Variants in RALA observed in about 807,000 individuals in gnomAD.
The protein encoded by RALA is RAS like proto-oncogene A.
In RALA, 5 loss-of-function variants were observed where a neutral mutation model predicts 24.0. The observed-to-expected ratio is 0.21, with a 90% CI of 0.11 to 0.44. RALA has a LOEUF of 0.44. Among genes scored for constraint, RALA ranks in the 20% least tolerant of loss-of-function variants. The probability of loss-of-function intolerance (pLI) is 0.99; values close to 1 mark genes in which losing one functional copy is unlikely to be tolerated. For missense variants in RALA, 95 were observed against 241.2 expected, an observed-to-expected ratio of 0.39 and a Z score of 4.01; for synonymous variants, 77 against 83.8, an observed-to-expected ratio of 0.92 and a Z score of 0.44.
intron 3 of RALA, among the ~76,000 whole-genome samples, chr7:39,693,619 G>A: frequency 6.6e-6 from 1 of 152,178 alleles, no homozygotes; most frequent in East Asian, 1.9e-4. Context: ...AAGGAAACTG[G>A]TTAAGAAAGT....
At chr7:39,697,309 A>G (rs946878353) in intron 4 of RALA, 3 of 452,848 alleles carry the variant, frequency 6.6e-6, no homozygotes, top group African/African-American at 6.0e-5. Flanking sequence ...CTCTCCTGCC[A>G]CTCTCCACTC....
chr7:39,687,370 T>G (rs1424640200), intron 2 of RALA, among the ~76,000 whole-genome samples: 1 of 150,224 alleles, frequency 6.7e-6, no homozygotes, highest in African/African-American at 2.5e-5. Context: ...GAGCTTGCAG[T>G]GAGCCGAGAT....
chr7:39,704,786 G>A (rs1793088406), intron 4 of RALA, among the ~76,000 whole-genome samples: 1 of 151,146 alleles, frequency 6.6e-6, no homozygotes. Flanking sequence ...AGCAATTCTT[G>A]TGCCTCAGCC....
At chr7:39,640,574 C>T (rs1056020810) in intron 1 of RALA, among the ~76,000 whole-genome samples, 1 of 152,160 alleles carries the variant, frequency 6.6e-6, no homozygotes, top group Non-Finnish European at 1.5e-5. Context: ...GATATTTTCT[C>T]TCAGAGAGTG....
chr7:39,683,522 C>T (rs577952459), intron 1 of RALA, among the ~76,000 whole-genome samples: 3 of 152,218 alleles, frequency 2.0e-5, no homozygotes, highest in African/African-American at 7.2e-5. Context: ...GTCTTAAGTT[C>T]CACATAGGCA....
intron 1 of RALA, among the ~76,000 whole-genome samples, chr7:39,665,787 A>AT (rs774768495): frequency 2.6e-5 from 4 of 152,010 alleles, no homozygotes; most frequent in African/African-American, 4.8e-5. Context: ...GTGTAAGGTC[A>AT]TTCTTACTAG....
intron 4 of RALA, among the ~76,000 whole-genome samples, chr7:39,699,737 T>C (rs1792989964): frequency 6.6e-6 from 1 of 152,242 alleles, no homozygotes; most frequent in African/African-American, 2.4e-5. Flanking sequence ...TATGTACACA[T>C]CATAAGGATA....
chr7:39,625,309 T>G (rs1237441004), intron 1 of RALA, among the ~76,000 whole-genome samples: 1 of 152,218 alleles, frequency 6.6e-6, no homozygotes, highest in Non-Finnish European at 1.5e-5. Flanking sequence ...TATATTAAAA[T>G]TGTGCTGGGC....
At chr7:39,638,670 C>T (rs1791727366) in intron 1 of RALA, among the ~76,000 whole-genome samples, 1 of 152,186 alleles carries the variant, frequency 6.6e-6, no homozygotes, top group South Asian at 2.1e-4. Context: ...TGGTCTGAAA[C>T]TCCTGGGCTC....
At chr7:39,650,487 G>A (rs183342160) in intron 1 of RALA, among the ~76,000 whole-genome samples, 3 of 152,174 alleles carry the variant, frequency 2.0e-5, no homozygotes, top group Admixed American at 2.0e-4. Context: ...GGAAGAAATA[G>A]GTATCAAATC....
rs896978426 is a variant in RALA, at chr7:39,706,453, T to C, written c.*208T>C. 25 of 495,342 alleles carry C rather than the reference T, an allele frequency of 5.0e-5. No homozygotes were observed. The highest frequency in any genetic ancestry group is 7.1e-5 in the Non-Finnish European group (20 of 281,590). The allele number at this position is 495,342 out of a possible 1,614,324, so 30.7% of individuals were successfully genotyped here. On this transcript the variant is annotated 3_prime_UTR_variant, in exon 5 of 5. Transcript: ENST00000005257. ...TCACCAAGAAGCAAAGTTCAACTTA[T>C]TTCATAATTGCCTACATTTATCATG...
chr7:39,690,737 CT>C, intron 3 of RALA, 147 bp downstream of exon 3: 1 of 638,554 alleles, frequency 1.6e-6, no homozygotes, highest in South Asian at 2.1e-5. Flanking sequence ...CAGTATATGA[CT>C]CTCTCTACTG....
chr7:39,699,553 G>A (rs1488582656), intron 4 of RALA, among the ~76,000 whole-genome samples: 2 of 152,220 alleles, frequency 1.3e-5, no homozygotes, highest in East Asian at 3.8e-4. Flanking sequence ...CAAGTGTTCA[G>A]TAATGGACTG....
At chr7:39,692,994 TGTG>T (rs1411050051) in intron 3 of RALA, among the ~76,000 whole-genome samples, 1 of 152,154 alleles carries the variant, frequency 6.6e-6, no homozygotes, top group Non-Finnish European at 1.5e-5. Flanking sequence ...GTTTAACCAT[TGTG>T]GAAGACAGTG....
At chr7:39,629,984 C>T (rs1448195422) in intron 1 of RALA, among the ~76,000 whole-genome samples, 1 of 152,158 alleles carries the variant, frequency 6.6e-6, no homozygotes, top group East Asian at 1.9e-4. Context: ...CCACCTCAGC[C>T]TCCCCAAGTG....
chr7:39,681,472 C>T (rs965225526), intron 1 of RALA, among the ~76,000 whole-genome samples: 1 of 151,846 alleles, frequency 6.6e-6, no homozygotes, highest in Non-Finnish European at 1.5e-5. Flanking sequence ...GCATGCACTA[C>T]CCACCCCATT....
At chr7:39,654,097 A>G (rs1268224090) in intron 1 of RALA, among the ~76,000 whole-genome samples, 1 of 152,204 alleles carries the variant, frequency 6.6e-6, no homozygotes, top group East Asian at 1.9e-4. Flanking sequence ...AGGGGGTTCT[A>G]TTTGAACAAC....
At position 39,707,303 on chromosome 7, in the gene RALA, G is replaced by A. The variant is rs1223520066; in HGVS notation, c.*1058G>A. 5 of 152,162 alleles carry A rather than the reference G, an allele frequency of 3.3e-5. No individual in the cohort carries two copies. In the East Asian group the frequency reaches 9.6e-4, roughly 29 times the overall value. 9.4% of individuals were successfully genotyped at this position (152,162 alleles called of 1,614,324 possible). On this transcript the variant is annotated 3_prime_UTR_variant, in exon 5 of 5. Coordinates refer to ENST00000005257, the MANE Select transcript of RALA (RefSeq NM_005402.4). ...GTGCTAATGCATTTTGCACTAGAAC[G>A]CTTCGGGAAAATATTCATGCTTGCC... is the stretch of plus-strand genomic sequence containing the variant.
chr7:39,630,901 G>A (rs917632012), intron 1 of RALA, among the ~76,000 whole-genome samples: 7 of 152,078 alleles, frequency 4.6e-5, no homozygotes, highest in African/African-American at 1.7e-4. Flanking sequence ...GGTAGGGCTA[G>A]TCACCCATTA....
Sources: allele counts gnomAD v4.1 joint callset (sites outside exome capture counted in the v4.1 genomes callset), GRCh38; gene constraint gnomAD v4.1.1; transcripts MANE v1.5; gene names NCBI Gene and HGNC (gene_info 2026-07-23, HGNC 2026-07-21).